Variants in LRCH3 observed in about 807,000 individuals in gnomAD.
The protein encoded by LRCH3 is DISP complex protein LRCH3.
A neutral mutation model predicts 104.5 loss-of-function variants in LRCH3; 68 were observed. The ratio of observed to expected loss-of-function variants is 0.65; its 90% CI spans 0.54 to 0.80. LRCH3 has a LOEUF of 0.80. Among genes scored for constraint, LRCH3 ranks in the 30% least tolerant of loss-of-function variants. The pLI is 0.00. For synonymous variants in LRCH3, 344 were observed against 361.3 expected (o/e 0.95, Z 0.54); for missense variants, 951 against 953.9 (o/e 1.00, Z 0.04).
At chr3:197,874,826 T>A (rs1211895371) in intron 19 of LRCH3, among the ~76,000 whole-genome samples, 3 of 152,246 alleles carry the variant, frequency 2.0e-5, no homozygotes, top group Non-Finnish European at 4.4e-5. Flanking sequence ...CACTTCTTCT[T>A]GTAAATCAAG....
At chr3:197,804,263 G>GAA (rs112672058) in intron 1 of LRCH3, among the ~76,000 whole-genome samples, 1 of 137,350 alleles carries the variant, frequency 7.3e-6, no homozygotes, top group Non-Finnish European at 1.6e-5. Context: ...CTCAAAAAAA[G>GAA]AAAAAAAAAA....
At chr3:197,880,155 C>T (rs998662000) in intron 20 of LRCH3, among the ~76,000 whole-genome samples, 8 of 151,382 alleles carry the variant, frequency 5.3e-5, no homozygotes, top group Non-Finnish European at 1.2e-4. Flanking sequence ...CCGTGTTAGC[C>T]GGGATGGTCT....
At chr3:197,871,026 A>C (rs1712116566) in intron 18 of LRCH3, among the ~76,000 whole-genome samples, 1 of 152,090 alleles carries the variant, frequency 6.6e-6, no homozygotes, top group African/African-American at 2.4e-5. Flanking sequence ...ACACTTACAC[A>C]TATATAGTGA....
At chr3:197,830,700 G>T (rs1735813898) in intron 6 of LRCH3, 70 bp from the exon 7 acceptor site, 1 of 1,255,418 alleles carries the variant, frequency 8.0e-7, no homozygotes, top group Non-Finnish European at 1.1e-6. Flanking sequence ...TTAGAAAATT[G>T]ATCTGTTTAA....
intron 1 of LRCH3, among the ~76,000 whole-genome samples, chr3:197,808,446 C>T (rs572684036): frequency 6.6e-6 from 1 of 152,336 alleles, no homozygotes; most frequent in South Asian, 2.1e-4. Flanking sequence ...TCTTTCACCA[C>T]TTACTTTCTA....
At chr3:197,837,394 A>C (rs903115854) in intron 9 of LRCH3, among the ~76,000 whole-genome samples, 3 of 152,218 alleles carry the variant, frequency 2.0e-5, no homozygotes, top group Non-Finnish European at 4.4e-5. Flanking sequence ...ATATTTTTAA[A>C]ATTCTGGCTG....
chr3:197,820,364 A>G lies in LRCH3; in HGVS notation c.574A>G (p.Ile192Val). The stretch of plus-strand genomic sequence containing the variant: ...TGAAATTCAAACTATACCTTCCCAA[A>G]TTGGTAACCTGGAGGCCTTGAGAGA... ...CNEIQTIPSQ[I>V]GNLEALRDLN... Residue 192 changes from isoleucine to valine, a missense_variant, in exon 4 of 21, where the codon ATT becomes GTT. Ile to Val is a conservative substitution (Grantham distance 29). Transcript: ENST00000425562. 1 of 1,613,430 alleles carries G rather than the reference A, an allele frequency of 6.2e-7. No homozygotes were observed. The highest frequency in any genetic ancestry group is 8.5e-7 in the Non-Finnish European group (1 of 1,179,386).
Position 197,883,566 on chromosome 3 carries a change from T to G in LRCH3, c.2234T>G (p.Ile745Ser). ...PQEQLCLPLH[I>S]LEEKGLSQVA... ...GAGCAATTATGTTTGCCTCTCCACATTTTAGAAGAGAAAGGTTTGAGCCAG... is the reference window on the plus strand; with the variant it reads ...GAGCAATTATGTTTGCCTCTCCACAGTTTAGAAGAGAAAGGTTTGAGCCAG... Residue 745 changes from isoleucine to serine, a missense_variant, in exon 21 of 21, where the codon ATT (isoleucine) becomes AGT (serine). Coordinates refer to ENST00000425562, the MANE Select transcript of LRCH3 (RefSeq NM_001365715.1). The surrounding 1 kb of genome is among the most constrained non-coding windows in gnomAD (Gnocchi z 4.2). The G allele has an allele frequency of 1.3e-6, 2 of 1,536,078 alleles. No homozygotes were observed. Among genetic ancestry groups the G allele is most frequent in the Non-Finnish European group, 1.7e-6 (2 of 1,146,874 alleles).
chr3:197,842,490 C>T (rs1277605024), intron 10 of LRCH3, among the ~76,000 whole-genome samples: 1 of 152,200 alleles, frequency 6.6e-6, no homozygotes, highest in African/African-American at 2.4e-5. Flanking sequence ...CTGTCAGTTA[C>T]AGCAACTCAA....
rs1714339902 is a variant in LRCH3, at chr3:197,887,722, GAC to G, written c.*4058_*4059del. ...CCCCAGCAGAGCCCTTCCCATCACT[GAC>G]AGTGTCTGGGGCTGAGAGCCCCCCA... On this transcript the variant is annotated 3_prime_UTR_variant, in exon 21 of 21. Coordinates refer to ENST00000425562, the MANE Select transcript of LRCH3 (RefSeq NM_001365715.1). The G allele has an allele frequency of 8.9e-6, 1 of 111,912 alleles. No homozygotes were observed. The highest frequency in any genetic ancestry group is 1.8e-5 in the Non-Finnish European group (1 of 56,702). 6.9% of individuals were successfully genotyped at this position (111,912 alleles called of 1,614,324 possible).
At chr3:197,794,659 T>G (rs1730986843) in intron 1 of LRCH3, among the ~76,000 whole-genome samples, 1 of 152,204 alleles carries the variant, frequency 6.6e-6, no homozygotes, top group Non-Finnish European at 1.5e-5. Flanking sequence ...TTAGACATGA[T>G]TTTGAACTTA....
chr3:197,836,191 T>C (rs1736770686), intron 9 of LRCH3, among the ~76,000 whole-genome samples: 1 of 152,234 alleles, frequency 6.6e-6, no homozygotes, highest in Non-Finnish European at 1.5e-5. Flanking sequence ...TGGTCAGTAG[T>C]TAATTAACAG....
chr3:197,799,015 CCT>C (rs1178580906), intron 1 of LRCH3, among the ~76,000 whole-genome samples: 1 of 152,066 alleles, frequency 6.6e-6, no homozygotes, highest in Non-Finnish European at 1.5e-5. Flanking sequence ...GTTAGACTCC[CCT>C]GAGATTGGTC....
rs371394845 is a variant in LRCH3 at position 197,826,887 on chromosome 3, A to G, written c.650A>G (p.Glu217Gly). The G allele has an allele frequency of 4.3e-6, 7 of 1,614,012 alleles. No homozygotes were observed. In the East Asian group the frequency reaches 1.3e-4, roughly 31 times the overall value. The change falls in exon 5 of 21, where the codon GAG becomes GGG. Residue 217 changes from glutamate (E) to glycine (G), a missense_variant. Physicochemically the swap from Glu to Gly is moderately conservative, Grantham distance 98 (BLOSUM62 -2). Coordinates refer to ENST00000425562, the MANE Select transcript of LRCH3 (RefSeq NM_001365715.1). ...TTTTACCTTCTTGCAGAGCTGGCGG[A>G]GTTGCCTTTGATACGGTTAGACTTC... ...HLVHLPEELA[E>G]LPLIRLDFSC... is the part of the protein sequence containing the mutation.
chr3:197,868,189 A>G (rs1345087803), intron 17 of LRCH3, among the ~76,000 whole-genome samples: 5 of 152,230 alleles, frequency 3.3e-5, no homozygotes, highest in Non-Finnish European at 7.3e-5. Flanking sequence ...TTATGGATTC[A>G]ACCAGTCATG....
intron 3 of LRCH3, among the ~76,000 whole-genome samples, chr3:197,819,946 G>A (rs1734297119): frequency 6.6e-6 from 1 of 152,154 alleles, no homozygotes; most frequent in South Asian, 2.1e-4. Flanking sequence ...CTGGGCTCAC[G>A]TGATCCACCC....
At chr3:197,804,889 T>A (rs1038636348) in intron 1 of LRCH3, among the ~76,000 whole-genome samples, 12 of 151,860 alleles carry the variant, frequency 7.9e-5, no homozygotes, top group African/African-American at 2.9e-4. Flanking sequence ...TCCACTCCTT[T>A]TTTTTTTTCT....
At chr3:197,813,729 C>T (rs1253024278) in intron 1 of LRCH3, among the ~76,000 whole-genome samples, 3 of 151,674 alleles carry the variant, frequency 2.0e-5, no homozygotes, top group Non-Finnish European at 4.4e-5. Context: ...TGGGGTTTCA[C>T]CATGTTGGGC....
chr3:197,881,604 C>G, intron 20 of LRCH3: 3 of 985,454 alleles, frequency 3.0e-6, no homozygotes, highest in Non-Finnish European at 3.6e-6. Flanking sequence ...GTTCTGTGCT[C>G]AAGGCAGTGA....
Sources: allele counts gnomAD v4.1 joint callset (sites outside exome capture counted in the v4.1 genomes callset), GRCh38; gene constraint gnomAD v4.1.1; non-coding constraint Gnocchi (gnomAD v3.1); transcripts MANE v1.5; gene names NCBI Gene and HGNC (gene_info 2026-07-23, HGNC 2026-07-21).